The following FREM2 variants were observed in gnomAD, a reference collection of about 807,000 sequenced individuals.
The protein encoded by FREM2 is FRAS1 related extracellular matrix 2.
In FREM2, 119 loss-of-function variants were observed where a neutral mutation model predicts 219.9. That is an observed-to-expected ratio of 0.54 (90% CI 0.47 to 0.63). The LOEUF (loss-of-function observed/expected upper bound fraction) is 0.63, where lower values mean the gene tolerates loss of function less well. Ranked by LOEUF, FREM2 falls within the 30% of genes least tolerant of loss-of-function variation. FREM2 has a pLI of 0.00. For missense variants in FREM2, 4,030 were observed against 3,993.6 expected (o/e 1.01, Z -0.25); for synonymous variants, 1,562 against 1,522.8 (o/e 1.03, Z -0.60).
chr13:38,846,384 G>T (rs1487484504), intron 6 of FREM2, among the ~76,000 whole-genome samples, 189 bp from the exon 7 acceptor site: 1 of 152,116 alleles, frequency 6.6e-6, no homozygotes, highest in Non-Finnish European at 1.5e-5. Context: ...GTGTATGTTC[G>T]ATTGTAAGGA....
At chr13:38,746,299 A>G (rs760878639) in intron 2 of FREM2, among the ~76,000 whole-genome samples, 2 of 152,184 alleles carry the variant, frequency 1.3e-5, no homozygotes, top group Non-Finnish European at 2.9e-5. Flanking sequence ...CAATGAGGCT[A>G]CTATTCATAT....
chr13:38,734,043 A>G (rs899199994), intron 2 of FREM2, among the ~76,000 whole-genome samples: 1 of 152,176 alleles, frequency 6.6e-6, no homozygotes, highest in African/African-American at 2.4e-5. Flanking sequence ...AAAGGAAAGC[A>G]ATTGTTTACA....
chr13:38,811,680 AT>A (rs1432050430), intron 6 of FREM2, among the ~76,000 whole-genome samples: 3 of 151,968 alleles, frequency 2.0e-5, no homozygotes, highest in East Asian at 1.9e-4. Flanking sequence ...TATTATTTCA[AT>A]TTTTTTGACT....
In FREM2 at chr13:38,689,577, C is replaced by T. The variant is rs2496423; in HGVS notation, c.2233C>T (p.Pro745Ser). The T allele has an allele frequency of 1.2e-5, 19 of 1,612,102 alleles. No individual in the cohort carries two copies. In the African/African-American group the frequency reaches 2.4e-4, roughly 20 times the overall value. The change falls in exon 1 of 24, where the codon CCC becomes TCC. Residue 745 changes from proline (P) to serine (S), a missense_variant. Around this residue, in one of 2 missense-constraint regions of FREM2, gnomAD observed 3,102 missense variants for 2,950.7 expected, o/e 1.05. Coordinates refer to ENST00000280481, the MANE Select transcript of FREM2 (RefSeq NM_207361.6). ...AGAACTACGTTACACAGTGACTCAG[C>T]CCCCCACAGACACAGACGAAAATCA... ...DRELRYTVTQ[P>S]PTDTDENHLP...
chr13:38,816,207 A>G (rs971063316), intron 6 of FREM2, among the ~76,000 whole-genome samples: 5 of 152,220 alleles, frequency 3.3e-5, no homozygotes, highest in African/African-American at 1.2e-4. Context: ...ATTGAAGAGG[A>G]AGGAATACTT....
rs780740434 is a variant in FREM2 at position 38,688,983 on chromosome 13, T to C, written c.1639T>C (p.Phe547Leu). Residue 547 changes from phenylalanine to leucine, a missense_variant, in exon 1 of 24, where the codon TTT becomes CTT. Physicochemically the swap from Phe to Leu is conservative, Grantham distance 22 (BLOSUM62 0). Around this residue, in one of 2 missense-constraint regions of FREM2, gnomAD observed 3,102 missense variants for 2,950.7 expected, o/e 1.05. Coordinates refer to ENST00000280481, the MANE Select transcript of FREM2 (RefSeq NM_207361.6). ...VDGGGRHQVQFLFPITLVPVD... is the reference protein window; with the variant it reads ...VDGGGRHQVQLLFPITLVPVD... The stretch of plus-strand genomic sequence containing the variant: ...TGGAGGAGGCAGGCACCAGGTACAG[T>C]TTCTGTTCCCCATCACCTTAGTGCC... 1 of 1,613,880 alleles carries C rather than the reference T, an allele frequency of 6.2e-7. No individual in the cohort carries two copies. Among genetic ancestry groups the C allele is most frequent in the Non-Finnish European group, 8.5e-7 (1 of 1,179,942 alleles).
In FREM2 at chr13:38,740,417, A is replaced by C. The variant is rs539246186; in HGVS notation, c.5264-23887A>C. On this transcript the variant is annotated intron_variant, in intron 2 of 23. Transcript: ENST00000280481. ...ACAGTTCTTTAGCAATGTGTACACT[A>C]TTAGGAGGTCTAGCTTCTGAAATGA... Among the ~76,000 whole-genome samples the C allele has an allele frequency of 7.2e-5, 11 of 152,294 alleles. No homozygotes were observed. In the East Asian group the frequency reaches 2.1e-3, roughly 29 times the overall value.
chr13:38,696,312 C>T (rs768440049), intron 1 of FREM2, among the ~76,000 whole-genome samples: 3 of 152,192 alleles, frequency 2.0e-5, no homozygotes, highest in African/African-American at 4.8e-5. Flanking sequence ...GTAGACCACA[C>T]ATTTTACATC....
intron 2 of FREM2, among the ~76,000 whole-genome samples, chr13:38,725,927 A>C (rs926620064): frequency 6.6e-6 from 1 of 152,162 alleles, no homozygotes; most frequent in African/African-American, 2.4e-5. Flanking sequence ...TTTCAGATGG[A>C]GATGTAGAAC....
chr13:38,858,644 A>G (rs1566169239), intron 13 of FREM2, among the ~76,000 whole-genome samples: 1 of 152,230 alleles, frequency 6.6e-6, no homozygotes, highest in South Asian at 2.1e-4. Flanking sequence ...TTATATTACA[A>G]CAGCACTTCT....
At position 38,850,067 on chromosome 13, in the gene FREM2, T is replaced by C. The variant is rs759300214; in HGVS notation, c.6409T>C (p.Tyr2137His). Reference sequence around the variant, plus strand: ...TAAGATGCAATTCAAAGAACGAATATATACTGGCAGCGAAAGTGATGGGCA... The same window carrying C: ...TAAGATGCAATTCAAAGAACGAATACATACTGGCAGCGAAAGTGATGGGCA... ...LPKMQFKERI[Y>H]TGSESDGQIV... Residue 2137 changes from tyrosine to histidine, a missense_variant, in exon 9 of 24, where the codon TAT becomes CAT. Tyr to His is a moderately conservative substitution (Grantham distance 83). This residue lies in a region of FREM2 where 3,102 missense variants were observed against 2,950.7 expected (regional missense o/e 1.05). Coordinates refer to ENST00000280481, the MANE Select transcript of FREM2 (RefSeq NM_207361.6). 1 of 1,614,006 alleles carries C rather than the reference T, an allele frequency of 6.2e-7. No individual in the cohort carries two copies. The highest frequency in any genetic ancestry group is 1.1e-5 in the South Asian group (1 of 91,082).
chr13:38,710,382 A>C (rs989498166), intron 2 of FREM2, among the ~76,000 whole-genome samples: 1 of 152,222 alleles, frequency 6.6e-6, no homozygotes. Context: ...TGCAAAGTTT[A>C]ATTAGGTGAA....
intron 6 of FREM2, among the ~76,000 whole-genome samples, chr13:38,831,378 C>T (rs913528126): frequency 6.6e-6 from 1 of 152,062 alleles, no homozygotes; most frequent in Non-Finnish European, 1.5e-5. Flanking sequence ...AATGAAACTA[C>T]ATTGATGATA....
chr13:38,850,930 C>A lies in FREM2; in HGVS notation c.6578-14C>A, dbSNP rs936968548. The A allele has an allele frequency of 5.0e-6, 8 of 1,610,006 alleles. No individual in the cohort carries two copies. Among genetic ancestry groups the A allele is most frequent in the Non-Finnish European group, 6.8e-6 (8 of 1,179,706 alleles). On this transcript the variant is annotated splice_polypyrimidine_tract_variant and intron_variant, in intron 9 of 23. Coordinates refer to ENST00000280481, the MANE Select transcript of FREM2 (RefSeq NM_207361.6). ...CTATGGGATGTGATTGACCTGCTGA[C>A]ATTATTGTTCCAGGTGAGACAGAAA...
In FREM2 at chr13:38,689,520, C is replaced by T; in HGVS notation, c.2176C>T (p.Leu726=). 4 of 1,614,044 alleles carry T rather than the reference C, an allele frequency of 2.5e-6. No homozygotes were observed. Among genetic ancestry groups the T allele is most frequent in the Non-Finnish European group, 3.4e-6 (4 of 1,179,990 alleles). Residue 726 remains leucine (L), a synonymous_variant, in exon 1 of 24, where the codon CTG becomes TTG. Transcript: ENST00000280481. The part of the protein sequence containing the change: ...SQLTPLRKKW[L]RYTDLDTDDR... The stretch of plus-strand genomic sequence containing the variant: ...GCTCACACCACTGAGGAAGAAGTGG[C>T]TGCGCTACACTGACCTGGACACAGA...
At position 38,881,227 on chromosome 13, in the gene FREM2, T is replaced by C. The variant is rs1878538346; in HGVS notation, c.*440T>C. 4.3e-6 allele frequency: 1 copy of C among 233,472 alleles called. No homozygotes were observed. The highest frequency in any genetic ancestry group is 8.5e-6 in the Non-Finnish European group (1 of 118,256). The allele number at this position is 233,472 out of a possible 1,614,324, so 14.5% of individuals were successfully genotyped here. A position where few individuals can be genotyped will look rare whatever the true frequency, so the allele number is the denominator to read the frequency against. The stretch of plus-strand genomic sequence containing the variant: ...AGATTATTACTAGAAAGGTTTTTGT[T>C]GCTAGTCTGGAAAACTGGTGAACAC... On this transcript the variant is annotated 3_prime_UTR_variant, in exon 24 of 24. Transcript: ENST00000280481.
At chr13:38,872,988 T>C in intron 17 of FREM2, 54 bp downstream of exon 17, 1 of 1,528,180 alleles carries the variant, frequency 6.5e-7, no homozygotes, top group Admixed American at 1.7e-5. Flanking sequence ...TTTAAACTAT[T>C]TAAGACGATT....
chr13:38,727,015 T>C (rs1394635660), intron 2 of FREM2, among the ~76,000 whole-genome samples: 1 of 152,192 alleles, frequency 6.6e-6, no homozygotes, highest in Admixed American at 6.5e-5. Context: ...TAAAATTCTT[T>C]ATTGAATCTA....
chr13:38,849,932 A>G (rs1877304671), intron 8 of FREM2, 106 bp from the exon 9 acceptor site: 1 of 887,754 alleles, frequency 1.1e-6, no homozygotes, highest in African/African-American at 1.7e-5. Flanking sequence ...GACAGAATCC[A>G]GTTCTTCTCA....
Sources: allele counts gnomAD v4.1 joint callset (sites outside exome capture counted in the v4.1 genomes callset), GRCh38; gene constraint gnomAD v4.1.1; regional missense constraint gnomAD v4.1.1; transcripts MANE v1.5; gene names NCBI Gene and HGNC (gene_info 2026-07-23, HGNC 2026-07-21).